The following CHMP7 variants were observed in gnomAD, a reference collection of about 807,000 sequenced individuals.
The protein encoded by CHMP7 is CHMP family, member 7.
Under a neutral mutation model 53.7 loss-of-function variants are expected in CHMP7, and 15 were observed. That is an observed-to-expected ratio of 0.28 (90% CI 0.19 to 0.43). The LOEUF (loss-of-function observed/expected upper bound fraction) is 0.43. Among genes scored for constraint, CHMP7 ranks in the 20% least tolerant of loss-of-function variants. The pLI, the probability that CHMP7 is intolerant of heterozygous loss-of-function variation, is 1.00. For missense variants in CHMP7, 527 were observed against 569.4 expected, an observed-to-expected ratio of 0.93 and a Z score of 0.76; for synonymous variants, 261 against 228.0, an observed-to-expected ratio of 1.14 and a Z score of -1.30.
At chr8:23,251,763 A>C (rs1257725802) in intron 3 of CHMP7, among the ~76,000 whole-genome samples, 2 of 152,240 alleles carry the variant, frequency 1.3e-5, no homozygotes, top group East Asian at 3.8e-4. Context: ...ATCTATCGAT[A>C]TGCCACAATT....
chr8:23,260,776 C>A lies in CHMP7; in HGVS notation c.*177C>A. ...AGATAGAATTTCTGGAAGCGATGCT[C>A]CAAAGGCTTGCTCCCAGCTGTATCA... On this transcript the variant is annotated 3_prime_UTR_variant, in exon 11 of 11. Transcript: ENST00000397677. 1.6e-6 allele frequency: 1 copy of A among 627,342 alleles called. No homozygotes were observed. Among genetic ancestry groups the A allele is most frequent in the South Asian group, 2.0e-5 (1 of 51,238 alleles). The allele number at this position is 627,342 out of a possible 1,614,324, so 38.9% of individuals were successfully genotyped here. A position where few individuals can be genotyped will look rare whatever the true frequency, so the allele number is the denominator to read the frequency against.
intron 3 of CHMP7, among the ~76,000 whole-genome samples, chr8:23,251,576 C>G (rs1246870710): frequency 1.3e-5 from 2 of 152,232 alleles, no homozygotes; most frequent in Non-Finnish European, 2.9e-5. Context: ...CAATAAATAC[C>G]TGTTGAGTGA....
intron 3 of CHMP7, among the ~76,000 whole-genome samples, chr8:23,253,683 C>T (rs987709562): frequency 3.3e-5 from 5 of 152,210 alleles, no homozygotes; most frequent in African/African-American, 1.2e-4. Context: ...CTATTAATAG[C>T]ATCACATCCA....
chr8:23,253,340 G>A (rs1177703138), intron 3 of CHMP7, among the ~76,000 whole-genome samples: 1 of 152,222 alleles, frequency 6.6e-6, no homozygotes, highest in African/African-American at 2.4e-5. Context: ...CTGTAGTGCA[G>A]TGGCACAATG....
intron 5 of CHMP7, 90 bp downstream of exon 5, chr8:23,256,683 T>C (rs999916001): frequency 3.1e-6 from 3 of 977,456 alleles, no homozygotes; most frequent in African/African-American, 3.5e-5. Flanking sequence ...TTTTAAAAAA[T>C]AGGTGGGTTT....
At chr8:23,256,689 G>GTT in intron 5 of CHMP7, 96 bp downstream of exon 5, 6 of 697,522 alleles carry the variant, frequency 8.6e-6, no homozygotes, top group Non-Finnish European at 1.1e-5. Context: ...AAAATAGGTG[G>GTT]GTTTTTTTTT....
In CHMP7 at chr8:23,260,621, C is replaced by T. The variant is rs1419031543; in HGVS notation, c.*22C>T. 1 of 1,594,096 alleles carries T rather than the reference C, an allele frequency of 6.3e-7. No homozygotes were observed. The highest frequency in any genetic ancestry group is 1.1e-5 in the South Asian group (1 of 90,730). On this transcript the variant is annotated 3_prime_UTR_variant, in exon 11 of 11. Coordinates refer to ENST00000397677, the MANE Select transcript of CHMP7 (RefSeq NM_152272.5). Reference sequence around the variant, plus strand: ...GTAGGACCCTCAAGTGAAGGACCCTCATGTAAAAGAGAGACCAGGCTTGCT... The same window carrying T: ...GTAGGACCCTCAAGTGAAGGACCCTTATGTAAAAGAGAGACCAGGCTTGCT...
chr8:23,260,662 T>C lies in CHMP7; in HGVS notation c.*63T>C. The C allele has an allele frequency of 8.0e-7, 1 of 1,247,934 alleles. No individual in the cohort carries two copies. The highest frequency in any genetic ancestry group is 1.5e-5 in the African/African-American group (1 of 67,600). The allele number at this position is 1,247,934 out of a possible 1,614,324, so 77.3% of individuals were successfully genotyped here. The stretch of plus-strand genomic sequence containing the variant: ...CAGGCTTGCTGGGTGTGTACATAGT[T>C]ATTTAAACAAGAAACTCTCAGAATG... On this transcript the variant is annotated 3_prime_UTR_variant, in exon 11 of 11. Transcript: ENST00000397677.
intron 3 of CHMP7, among the ~76,000 whole-genome samples, chr8:23,254,185 C>CCCCT (rs1554528473): frequency 7.4e-6 from 1 of 134,928 alleles, no homozygotes; most frequent in African/African-American, 3.2e-5. Flanking sequence ...TTCTGCTCAA[C>CCCCT]TTTTTTTTTT....
chr8:23,258,033 G>A lies in CHMP7; in HGVS notation c.792G>A (p.Arg264=). The A allele has an allele frequency of 1.2e-6, 2 of 1,611,506 alleles. No individual in the cohort carries two copies. Among genetic ancestry groups the A allele is most frequent in the Non-Finnish European group, 1.7e-6 (2 of 1,177,918 alleles). ...KVESLSQEAE[R]CKEEARRACR... ...ATCTTATCTGTCCCTTTGTTTCCAG[G>A]TGTAAAGAAGAAGCCCGCCGGGCAT... Residue 264 remains arginine (R), a splice_region_variant and synonymous_variant, in exon 6 of 11, where the codon AGG becomes AGA. Coordinates refer to ENST00000397677, the MANE Select transcript of CHMP7 (RefSeq NM_152272.5).
intron 1 of CHMP7, among the ~76,000 whole-genome samples, chr8:23,244,948 A>G (rs1248031927): frequency 2.0e-5 from 3 of 152,212 alleles, no homozygotes; most frequent in Admixed American, 6.5e-5. Flanking sequence ...CATTATAGGT[A>G]TATGGGAATT....
chr8:23,248,094 T>C (rs768799672), intron 2 of CHMP7: 3 of 456,070 alleles, frequency 6.6e-6, no homozygotes, highest in South Asian at 4.6e-5. Context: ...TTACAGGCGT[T>C]GAGCCACTGC....
At chr8:23,245,198 G>C (rs1050778980) in intron 1 of CHMP7, among the ~76,000 whole-genome samples, 1 of 152,150 alleles carries the variant, frequency 6.6e-6, no homozygotes, top group Non-Finnish European at 1.5e-5. Flanking sequence ...AGACATTCTT[G>C]TGTTATTCCT....
In CHMP7 at chr8:23,260,220, T is replaced by C. The variant is rs1390704199; in HGVS notation, c.1197T>C (p.Pro399=). 6.2e-7 allele frequency: 1 copy of C among 1,614,210 alleles called. No individual in the cohort carries two copies. The highest frequency in any genetic ancestry group is 1.1e-5 in the South Asian group (1 of 91,086). The part of the protein sequence containing the change: ...QDTTKEPLDL[P]DNPRNRHFTN... ...CCACCAAAGAACCTTTGGATCTGCC[T>C]GACAACCCCCGCAATAGGCATTTTA... Residue 399 remains proline (P), a synonymous_variant, in exon 10 of 11, where the codon CCT becomes CCC. Coordinates refer to ENST00000397677, the MANE Select transcript of CHMP7 (RefSeq NM_152272.5).
chr8:23,244,808 T>C (rs1369525201), intron 1 of CHMP7, among the ~76,000 whole-genome samples: 2 of 152,256 alleles, frequency 1.3e-5, no homozygotes, highest in Admixed American at 1.3e-4. Context: ...CTTCATAGAT[T>C]TCTTTCATCA....
intron 3 of CHMP7, chr8:23,254,936 C>T (rs1802065951): frequency 1.9e-5 from 8 of 425,462 alleles, no homozygotes; most frequent in South Asian, 1.3e-4. Context: ...CTCACCTCAC[C>T]TCCTCAGTCT....
intron 3 of CHMP7, among the ~76,000 whole-genome samples, chr8:23,250,620 CTGTGTGTGTG>C (rs59970101): frequency 0.019 from 2,778 of 143,370 alleles, 50 homozygotes; most frequent in African/African-American, 0.037. Flanking sequence ...TGATAGGGGC[CTGTGTGTGTG>C]TGTGTGTGTG....
chr8:23,248,666 C>T (rs906520218), intron 2 of CHMP7, among the ~76,000 whole-genome samples: 6 of 152,154 alleles, frequency 3.9e-5, no homozygotes, highest in Non-Finnish European at 7.3e-5. Context: ...TAGTGACTGG[C>T]CCGCGGCAAG....
chr8:23,251,104 G>A (rs1801912726), intron 3 of CHMP7, among the ~76,000 whole-genome samples: 1 of 152,156 alleles, frequency 6.6e-6, no homozygotes, highest in Non-Finnish European at 1.5e-5. Context: ...CGGTCTTTCT[G>A]TCATCTCACA....
Sources: allele counts gnomAD v4.1 joint callset (sites outside exome capture counted in the v4.1 genomes callset), GRCh38; gene constraint gnomAD v4.1.1; transcripts MANE v1.5; gene names NCBI Gene and HGNC (gene_info 2026-07-23, HGNC 2026-07-21).